SORCS3: variants seen among roughly 807,000 people sequenced by gnomAD.
SORCS3 encodes the protein VPS10 domain-containing receptor SorCS3.
A neutral mutation model predicts 146.3 loss-of-function variants in SORCS3; 57 were observed. The observed-to-expected ratio is 0.39, with a 90% CI of 0.31 to 0.49. The LOEUF (loss-of-function observed/expected upper bound fraction) is 0.49. Among genes scored for constraint, SORCS3 ranks in the 20% least tolerant of loss-of-function variants. SORCS3 has a pLI of 0.92. For synonymous variants in SORCS3, 653 were observed against 618.5 expected (o/e 1.06, Z -0.83); for missense variants, 1,341 against 1,575.5 (o/e 0.85, Z 2.52).
chr10:105,242,407 T>TATAC (rs1461543500), intron 20 of SORCS3, among the ~76,000 whole-genome samples: 1 of 102,894 alleles, frequency 9.7e-6, no homozygotes, highest in African/African-American at 3.9e-5. Context: ...TTTATACATA[T>TATAC]ATTTATATAT....
chr10:104,846,854 A>C (rs2451470), intron 2 of SORCS3, among the ~76,000 whole-genome samples: 126,472 of 152,130 alleles, frequency 0.83, 52,894 homozygotes, highest in East Asian at 0.98. Context: ...GTTTAAAGGA[A>C]CCAGGGCTTT....
intron 1 of SORCS3, among the ~76,000 whole-genome samples, chr10:104,816,137 A>C (rs2017795578): frequency 6.6e-6 from 1 of 152,220 alleles, no homozygotes; most frequent in Non-Finnish European, 1.5e-5. Context: ...GGGCATAAAT[A>C]GCTTTGTCAT....
intron 2 of SORCS3, among the ~76,000 whole-genome samples, chr10:104,861,602 G>A (rs1351806823): frequency 6.6e-6 from 1 of 152,150 alleles, no homozygotes; most frequent in Non-Finnish European, 1.5e-5. Flanking sequence ...CCTCCCCCGA[G>A]CCTACTTCTT....
chr10:104,751,336 T>G (rs2016981044), intron 1 of SORCS3, among the ~76,000 whole-genome samples: 1 of 152,190 alleles, frequency 6.6e-6, no homozygotes, highest in South Asian at 2.1e-4. Flanking sequence ...TGGTCTCAAA[T>G]GGCATTACTA....
intron 13 of SORCS3, among the ~76,000 whole-genome samples, chr10:105,172,551 G>A (rs1002462914): frequency 6.6e-6 from 1 of 151,988 alleles, no homozygotes; most frequent in Admixed American, 6.6e-5. Context: ...TCCCTTTCTG[G>A]TAGTCGATAA....
intron 1 of SORCS3, among the ~76,000 whole-genome samples, chr10:104,663,187 T>A (rs2015724592): frequency 6.6e-6 from 1 of 152,096 alleles, no homozygotes; most frequent in Non-Finnish European, 1.5e-5. Context: ...GGTTCTGTTG[T>A]AATTAAAGGA....
intron 2 of SORCS3, among the ~76,000 whole-genome samples, chr10:104,849,161 A>G (rs577265144): frequency 1.3e-5 from 2 of 152,268 alleles, no homozygotes; most frequent in South Asian, 4.1e-4. Context: ...CTGAAATCCC[A>G]GCACTTTGGG....
intron 1 of SORCS3, among the ~76,000 whole-genome samples, chr10:104,669,242 CACATA>C (rs1283277778): frequency 1.3e-5 from 2 of 152,202 alleles, no homozygotes; most frequent in Non-Finnish European, 2.9e-5. Flanking sequence ...TGGCAAAATA[CACATA>C]ACATAAAAGT....
rs1294235664 is a variant in SORCS3 at position 104,991,498 on chromosome 10, TCTTC to T, written c.954+14009_954+14012del. 1.2e-3 allele frequency among the ~76,000 whole-genome samples: 179 copies of T among 150,970 alleles called. 1 individual carries two copies. Among genetic ancestry groups the T allele is most frequent in the African/African-American group, 3.8e-3 (155 of 40,722 alleles). On this transcript the variant is annotated intron_variant, in intron 4 of 26. Coordinates refer to ENST00000369701, the MANE Select transcript of SORCS3 (RefSeq NM_014978.3). ...GTCTTTCTATGTCCTGATTTCCTCT[TCTTC>T]CTTTTTTTTTTTTTTTTGAGACAGA...
At chr10:104,782,952 G>A (rs1400629996) in intron 1 of SORCS3, among the ~76,000 whole-genome samples, 5 of 152,130 alleles carry the variant, frequency 3.3e-5, no homozygotes, top group African/African-American at 9.7e-5. Flanking sequence ...GCAGTTTTGA[G>A]TCAATGATTT....
chr10:104,993,570 A>G (rs2055006950), intron 4 of SORCS3, among the ~76,000 whole-genome samples: 1 of 152,184 alleles, frequency 6.6e-6, no homozygotes. Context: ...TTGGGCATGA[A>G]TGTTTTCATA....
chr10:104,967,906 C>T (rs1220721589), intron 3 of SORCS3, among the ~76,000 whole-genome samples: 1 of 151,916 alleles, frequency 6.6e-6, no homozygotes, highest in African/African-American at 2.4e-5. Flanking sequence ...ACAATCTGCC[C>T]ACCTCAGGCT....
intron 2 of SORCS3, among the ~76,000 whole-genome samples, chr10:104,907,512 C>T (rs182273579): frequency 2.0e-5 from 3 of 152,300 alleles, no homozygotes; most frequent in East Asian, 1.9e-4. Flanking sequence ...CTACCTGAGA[C>T]GTGTGCTGGG....
At position 104,721,787 on chromosome 10, in the gene SORCS3, T is replaced by C. The variant is rs558490426; in HGVS notation, c.627+79833T>C. 1.7e-3 allele frequency among the ~76,000 whole-genome samples: 254 copies of C among 152,252 alleles called. 5 individuals are homozygous for C. Among genetic ancestry groups the C allele is most frequent in the Admixed American group, 0.014 (207 of 15,296 alleles). On this transcript the variant is annotated intron_variant, in intron 1 of 26. Transcript: ENST00000369701. ...GATTTGGCTCTCTGTTTGTCTGTTATTGGTGTATAAGAATGCTTGTGATTT... is the reference window on the plus strand; with the variant it reads ...GATTTGGCTCTCTGTTTGTCTGTTACTGGTGTATAAGAATGCTTGTGATTT...
intron 3 of SORCS3, among the ~76,000 whole-genome samples, chr10:104,918,003 C>G (rs577079620): frequency 6.6e-6 from 1 of 152,240 alleles, no homozygotes; most frequent in African/African-American, 2.4e-5. Context: ...ACCCAGTAGT[C>G]GAATTGCTTG....
intron 2 of SORCS3, among the ~76,000 whole-genome samples, chr10:104,859,292 A>G (rs965063510): frequency 3.3e-5 from 5 of 152,152 alleles, no homozygotes; most frequent in African/African-American, 4.8e-5. Context: ...ATCTTTGACA[A>G]ACCTGAGAAA....
chr10:104,912,128 T>C (rs2018975436), intron 2 of SORCS3, among the ~76,000 whole-genome samples: 2 of 152,156 alleles, frequency 1.3e-5, no homozygotes, highest in South Asian at 4.1e-4. Context: ...CTGAATAAAG[T>C]TTACTTAATC....
chr10:104,690,251 C>T (rs1056216469), intron 1 of SORCS3, among the ~76,000 whole-genome samples: 17 of 152,174 alleles, frequency 1.1e-4, no homozygotes, highest in Non-Finnish European at 1.5e-5. Flanking sequence ...CCCTGGGACT[C>T]CTCAAGGTGG....
intron 13 of SORCS3, among the ~76,000 whole-genome samples, chr10:105,167,601 A>G (rs1246327414): frequency 2.0e-5 from 3 of 152,192 alleles, no homozygotes; most frequent in African/African-American, 7.2e-5. Context: ...AGAAGACAGC[A>G]GGAAGGACCT....
Sources: gnomAD v4.1 joint callset for allele counts (sites outside exome capture counted in the v4.1 genomes callset) on GRCh38, gnomAD v4.1.1 for gene constraint, MANE v1.5 for transcripts, NCBI Gene and HGNC (gene_info 2026-07-23, HGNC 2026-07-21) for gene names.